The following MINK1 variants were observed in gnomAD, a reference collection of about 807,000 sequenced individuals.
The protein encoded by MINK1 is misshapen-like kinase 1.
Under a neutral mutation model 178.4 loss-of-function variants are expected in MINK1, and 46 were observed. That is an observed-to-expected ratio of 0.26 (90% CI 0.20 to 0.33). The LOEUF (loss-of-function observed/expected upper bound fraction) is 0.33, where lower values mean the gene tolerates loss of function less well. MINK1 is among the 10% of genes least tolerant of loss of function. MINK1 has a pLI of 1.00. For missense variants in MINK1, 1,366 were observed against 1,814.9 expected (o/e 0.75, Z 4.49); for synonymous variants, 797 against 709.7 (o/e 1.12, Z -1.96).
chr17:4,847,914 G>C lies in MINK1; in HGVS notation c.57+14274G>C, dbSNP rs1233427153. 2.0e-5 allele frequency among the ~76,000 whole-genome samples: 3 copies of C among 152,108 alleles called. No individual in the cohort carries two copies. In the East Asian group the frequency reaches 5.8e-4, roughly 29 times the overall value. The stretch of plus-strand genomic sequence containing the variant: ...AAAAAGGTCTGGGCCCAGTACAGTG[G>C]CTCATGCTTGTACTCCCAGCACTTT... On this transcript the variant is annotated intron_variant, in intron 1 of 31. Coordinates refer to ENST00000355280, the MANE Select transcript of MINK1 (RefSeq NM_153827.5).
chr17:4,847,618 G>A (rs1265375525), intron 1 of MINK1, among the ~76,000 whole-genome samples: 1 of 152,158 alleles, frequency 6.6e-6, no homozygotes, highest in Non-Finnish European at 1.5e-5. Context: ...TTCTCACACT[G>A]ACTTAAACAT....
intron 21 of MINK1, 138 bp downstream of exon 21, chr17:4,893,735 G>T (rs1373590748): frequency 4.7e-6 from 6 of 1,275,316 alleles, no homozygotes; most frequent in African/African-American, 4.5e-5. Flanking sequence ...GAGGGTGCAG[G>T]TTCCTGTCTC....
chr17:4,884,223 G>A (rs1427814785), intron 4 of MINK1, 140 bp from the exon 5 acceptor site: 6 of 640,126 alleles, frequency 9.4e-6, no homozygotes, highest in Non-Finnish European at 1.7e-5. Context: ...AGGCTTCTGT[G>A]GCCCTTGCTC....
chr17:4,889,717 A>G lies in MINK1; in HGVS notation c.1301A>G (p.Gln434Arg). The G allele has an allele frequency of 6.4e-7, 1 of 1,553,980 alleles. No homozygotes were observed. Reference protein sequence around the residue: ...KEQQRRLEDMQALRREEERRQ... With the variant: ...KEQQRRLEDMRALRREEERRQ... Reference sequence around the variant, plus strand: ...CAGCAGCGGCGGCTGGAGGACATGCAGGCTCTGCGGCGGGAGGAGGAGCGG... The same window carrying G: ...CAGCAGCGGCGGCTGGAGGACATGCGGGCTCTGCGGCGGGAGGAGGAGCGG... The change falls in exon 13 of 32, where the codon CAG (glutamine) becomes CGG (arginine). Residue 434 changes from glutamine (Q) to arginine (R), a missense_variant. By Grantham distance (43) the Gln-to-Arg change is conservative. This residue lies in a region of MINK1 where 87 missense variants were observed against 78.9 expected (regional missense o/e 1.10). Coordinates refer to ENST00000355280, the MANE Select transcript of MINK1 (RefSeq NM_153827.5).
intron 1 of MINK1, among the ~76,000 whole-genome samples, chr17:4,850,426 G>A (rs1249195124): frequency 2.6e-5 from 4 of 152,038 alleles, no homozygotes; most frequent in Non-Finnish European, 4.4e-5. Flanking sequence ...GGTCCTTGGT[G>A]GGGCCAGAGA....
In MINK1 at chr17:4,894,092, G is replaced by T; in HGVS notation, c.2669G>T (p.Arg890Leu). Residue 890 changes from arginine (R) to leucine (L), a missense_variant and splice_region_variant, in exon 22 of 32, where the codon CGC (arginine) becomes CTC (leucine). This residue lies in a region of MINK1 where 709 missense variants were observed against 692.3 expected (regional missense o/e 1.02). Transcript: ENST00000355280. The surrounding 1 kb of genome is among the most constrained non-coding windows in gnomAD (Gnocchi z 4.1). ...PYGGGTMVVQ[R>L]TPEEERNLLH... ...GGGGGCGGCACCATGGTGGTCCAGC[G>T]CGTGAGTGAGCCTCTGCTCCCTCCC... The T allele has an allele frequency of 6.3e-7, 1 of 1,593,788 alleles. No homozygotes were observed. Among genetic ancestry groups the T allele is most frequent in the South Asian group, 1.1e-5 (1 of 89,356 alleles).
intron 15 of MINK1, 34 bp from the exon 16 acceptor site, chr17:4,891,422 C>T (rs752301353): frequency 2.0e-6 from 3 of 1,523,242 alleles, no homozygotes; most frequent in African/African-American, 1.4e-5. Flanking sequence ...TGCCATGGAG[C>T]AGGCAGCCCA....
At chr17:4,891,185 T>C (rs1597561050) in intron 15 of MINK1, 61 bp downstream of exon 15, 1 of 1,208,208 alleles carries the variant, frequency 8.3e-7, no homozygotes, top group African/African-American at 1.7e-5. Context: ...AGAGCACAGG[T>C]ACACACACAC....
intron 20 of MINK1, 63 bp from the exon 21 acceptor site, chr17:4,893,371 C>T (rs1192682551): frequency 6.2e-7 from 1 of 1,609,208 alleles, no homozygotes; most frequent in African/African-American, 1.3e-5. Context: ...TGTCCCGGCA[C>T]CCTTTGTCTA....
At chr17:4,840,528 A>G (rs1169852563) in intron 1 of MINK1, among the ~76,000 whole-genome samples, 3 of 152,122 alleles carry the variant, frequency 2.0e-5, no homozygotes, top group Admixed American at 1.3e-4. Context: ...GCTCCTCAGA[A>G]TGGGGTATAT....
intron 1 of MINK1, among the ~76,000 whole-genome samples, chr17:4,846,698 T>C (rs913543403): frequency 7.9e-5 from 12 of 152,088 alleles, no homozygotes; most frequent in Non-Finnish European, 1.5e-4. Flanking sequence ...TGAGACAGGG[T>C]CGTGCTCTGT....
In MINK1 at chr17:4,893,037, C is replaced by T. The variant is rs753908116; in HGVS notation, c.2370C>T (p.Asp790=). The T allele has an allele frequency of 1.2e-5, 19 of 1,576,692 alleles. No individual in the cohort carries two copies. In the East Asian group the frequency reaches 1.4e-4, roughly 12 times the overall value. ...CCCCTGGGAATAAAGCCAAGCCCGA[C>T]GACCACCGCTCACGGCCAGGCCGGC... The part of the protein sequence containing the change: ...VLSPGNKAKP[D]DHRSRPGRPA... Residue 790 remains aspartate, a synonymous_variant, in exon 20 of 32, where the codon GAC becomes GAT. Transcript: ENST00000355280.
intron 4 of MINK1, 68 bp from the exon 5 acceptor site, chr17:4,884,295 A>C: frequency 8.9e-7 from 1 of 1,119,338 alleles, no homozygotes; most frequent in African/African-American, 1.6e-5. Flanking sequence ...CTAGCAGGGG[A>C]TTGGGGCAGG....
chr17:4,884,504 C>T (rs1190042451), intron 5 of MINK1, 31 bp downstream of exon 5: 2 of 1,494,668 alleles, frequency 1.3e-6, no homozygotes, highest in Admixed American at 1.7e-5. Context: ...CTTGTCTTCT[C>T]CTCCGCTACC....
chr17:4,848,051 A>AGGAG (rs1381317184), intron 1 of MINK1, among the ~76,000 whole-genome samples: 1 of 152,022 alleles, frequency 6.6e-6, no homozygotes, highest in Non-Finnish European at 1.5e-5. Context: ...GAGAGGAAGA[A>AGGAG]GGAGGGAGGG....
At chr17:4,859,291 C>A in intron 1 of MINK1, 3 of 985,304 alleles carry the variant, frequency 3.0e-6, no homozygotes, top group Non-Finnish European at 3.6e-6. Flanking sequence ...TTTCCAGCAC[C>A]GAAATTCAAG....
intron 1 of MINK1, among the ~76,000 whole-genome samples, chr17:4,839,338 T>A (rs187205410): frequency 6.6e-6 from 1 of 152,302 alleles, no homozygotes; most frequent in East Asian, 1.9e-4. Flanking sequence ...TGAATTACAC[T>A]CATTTTCTGT....
chr17:4,850,201 T>C (rs1031758918), intron 1 of MINK1, among the ~76,000 whole-genome samples: 1 of 152,218 alleles, frequency 6.6e-6, no homozygotes, highest in Non-Finnish European at 1.5e-5. Flanking sequence ...GCAATGCCTC[T>C]ACATAGCTGA....
chr17:4,892,957 C>T (rs1024125181), intron 19 of MINK1, 22 bp from the exon 20 acceptor site: 3 of 1,543,644 alleles, frequency 1.9e-6, no homozygotes, highest in African/African-American at 2.8e-5. Context: ...CATCAGTGAC[C>T]TTCTTCCACC....
Sources: gnomAD v4.1 joint callset for allele counts (sites outside exome capture counted in the v4.1 genomes callset) on GRCh38, gnomAD v4.1.1 for gene constraint, gnomAD v4.1.1 regional missense constraint, Gnocchi (gnomAD v3.1) non-coding constraint, MANE v1.5 for transcripts, NCBI Gene and HGNC (gene_info 2026-07-23, HGNC 2026-07-21) for gene names.